The following OXNAD1 variants were observed in gnomAD, a reference collection of about 807,000 sequenced individuals.
OXNAD1 encodes the protein oxidoreductase NAD-binding domain-containing protein 1.
In OXNAD1, 34 loss-of-function variants were observed where a neutral mutation model predicts 32.9. The ratio of observed to expected loss-of-function variants is 1.03; its 90% CI spans 0.79 to 1.38. OXNAD1 has a LOEUF of 1.38. Ranked by LOEUF, OXNAD1 falls within the 40% of genes most tolerant of loss-of-function variation. The pLI is 0.00. For missense variants in OXNAD1, 407 were observed against 379.4 expected, an observed-to-expected ratio of 1.07 and a Z score of -0.60; for synonymous variants, 134 against 135.2, an observed-to-expected ratio of 0.99 and a Z score of 0.06.
In OXNAD1 at chr3:16,335,239, A is replaced by AGG. The variant is rs1465886504; in HGVS notation, c.*31-1871_*31-1870dup. 6.6e-6 allele frequency among the ~76,000 whole-genome samples: 1 copy of AGG among 152,204 alleles called. No individual in the cohort carries two copies. The highest frequency in any genetic ancestry group is 1.9e-4 in the East Asian group (1 of 5,196). On this transcript the variant is annotated intron_variant, in intron 9 of 9. Coordinates refer to the OXNAD1 transcript ENST00000435829. The surrounding 1 kb of genome is among the most constrained non-coding windows in gnomAD (Gnocchi z 4.7). ...AACACTTGGAGGTGCTGACAGATGC[A>AGG]GGGTAGGTGAAAACTCCTGGAGGGA...
In OXNAD1 at chr3:16,345,331, T is replaced by G. The variant is rs1420813167; in HGVS notation, c.*31-3845T>G. 1 of 151,020 alleles carries G rather than the reference T, an allele frequency of 6.6e-6. No homozygotes were observed. Among genetic ancestry groups the G allele is most frequent in the African/African-American group, 2.5e-5 (1 of 40,528 alleles). 9.4% of individuals were successfully genotyped at this position (151,020 alleles called of 1,614,324 possible). A position where few individuals can be genotyped will look rare whatever the true frequency, so the allele number is the denominator to read the frequency against. ...AGCTGTTATAGAATTATCTCCCACT[T>G]TTTTATCTCAAACACATTGGGAAAA... is the stretch of plus-strand genomic sequence containing the variant. On this transcript the variant is annotated intron_variant, in intron 9 of 9. Coordinates refer to the OXNAD1 transcript ENST00000606098. This position sits in a 1 kb window ranked among gnomAD's most constrained non-coding sequence, Gnocchi z 5.2.
At position 16,345,352 on chromosome 3, in the gene OXNAD1, G is replaced by GA. The variant is rs2071582405; in HGVS notation, c.*31-3820dup. The GA allele has an allele frequency of 6.6e-6, 1 of 151,060 alleles. No individual in the cohort carries two copies. The highest frequency in any genetic ancestry group is 1.5e-5 in the Non-Finnish European group (1 of 67,960). 9.4% of individuals were successfully genotyped at this position (151,060 alleles called of 1,614,324 possible). ...CACTTTTTTATCTCAAACACATTGG[G>GA]AAAACCTAAAGATATAGCCCCTGTT... is the stretch of plus-strand genomic sequence containing the variant. On this transcript the variant is annotated intron_variant, in intron 9 of 9. Coordinates refer to the OXNAD1 transcript ENST00000606098. The surrounding 1 kb of genome is among the most constrained non-coding windows in gnomAD (Gnocchi z 5.2).
Position 16,297,389 on chromosome 3 carries a change from A to T in OXNAD1, c.432+2392A>T, listed in dbSNP as rs115857632. On this transcript the variant is annotated intron_variant, in intron 6 of 8. Transcript: ENST00000285083. This position sits in a 1 kb window ranked among gnomAD's most constrained non-coding sequence, Gnocchi z 4.3. Reference sequence around the variant, plus strand: ...CAACTGGAACTCTCATATATTGCTTATATTGCTAGTGGGAATGCAAAATAG... The same window carrying T: ...CAACTGGAACTCTCATATATTGCTTTTATTGCTAGTGGGAATGCAAAATAG... Among the ~76,000 whole-genome samples, 24 of 152,338 alleles carry T rather than the reference A, an allele frequency of 1.6e-4. 1 individual carries two copies. The highest frequency in any genetic ancestry group is 5.3e-4 in the African/African-American group (22 of 41,574).
At chr3:16,310,230 T>C (rs1234162506), downstream of OXNAD1, among the ~76,000 whole-genome samples, 1 of 152,234 alleles carries the variant, frequency 6.6e-6, no homozygotes, top group Admixed American at 6.5e-5. Flanking sequence ...AGTTATTAAC[T>C]TACGCATTTT....
rs951478364 is a variant in OXNAD1 at position 16,337,306 on chromosome 3, G to A, written c.*225G>A. 2 of 152,236 alleles carry A rather than the reference G, an allele frequency of 1.3e-5. No individual in the cohort carries two copies. The highest frequency in any genetic ancestry group is 2.9e-5 in the Non-Finnish European group (2 of 68,042). 9.4% of individuals were successfully genotyped at this position (152,236 alleles called of 1,614,324 possible). ...GAAGGAAAAATCACCCAGCTGACCT[G>A]TTTGGGTTATGATTTTAACTCACTA... On this transcript the variant is annotated 3_prime_UTR_variant, in exon 10 of 10. Transcript: ENST00000435829. The surrounding 1 kb of genome is among the most constrained non-coding windows in gnomAD (Gnocchi z 5.0).
At position 16,288,801 on chromosome 3, in the gene OXNAD1, T is replaced by TG. The variant is rs1251260837; in HGVS notation, c.290+2357dup. Among the ~76,000 whole-genome samples, 3 of 152,192 alleles carry TG rather than the reference T, an allele frequency of 2.0e-5. No individual in the cohort carries two copies. The highest frequency in any genetic ancestry group is 4.8e-5 in the African/African-American group (2 of 41,442). On this transcript the variant is annotated intron_variant, in intron 5 of 8. Transcript: ENST00000285083. The surrounding 1 kb of genome is among the most constrained non-coding windows in gnomAD (Gnocchi z 5.1). ...CCCTTGACCAGAATTCCTCCTCCCT[T>TG]GGGGTGGAAAGCTTGGCACTCACTC...
rs1274426142 is a variant in OXNAD1 at position 16,317,503 on chromosome 3, C to G, written c.*30+13911C>G. Among the ~76,000 whole-genome samples the G allele has an allele frequency of 2.0e-5, 3 of 152,150 alleles. No homozygotes were observed. The highest frequency in any genetic ancestry group is 4.4e-5 in the Non-Finnish European group (3 of 68,020). On this transcript the variant is annotated intron_variant, in intron 9 of 9. Coordinates refer to the OXNAD1 transcript ENST00000435829. This position sits in a 1 kb window ranked among gnomAD's most constrained non-coding sequence, Gnocchi z 4.3. ...AGAGCAGTATTTCTTTTGACTGGCT[C>G]TATACCAAAGGCCCACATAGGAAAG...
In OXNAD1 at chr3:16,345,817, TGC is replaced by T. The variant is rs1553726165; in HGVS notation, c.*31-3349_*31-3348del. Among the ~76,000 whole-genome samples, 845 of 74,572 alleles carry T rather than the reference TGC, an allele frequency of 0.011. 3 individuals are homozygous for T. Among genetic ancestry groups the T allele is most frequent in the South Asian group, 0.029 (47 of 1,634 alleles). The allele number at this position is 74,572 out of a possible 152,430, so 48.9% of individuals were successfully genotyped here. On this transcript the variant is annotated intron_variant, in intron 9 of 9. Coordinates refer to the OXNAD1 transcript ENST00000606098. This position sits in a 1 kb window ranked among gnomAD's most constrained non-coding sequence, Gnocchi z 5.2. ...GTGTGTGTGTGTGTGTGTGTGTGTG[TGC>T]GCGCGCGCGTGCGCGCACGCGCACA...
In OXNAD1 at chr3:16,344,592, C is replaced by T. The variant is rs1006379520; in HGVS notation, c.*31-4584C>T. ...GGCCACCCAAGGTATTCTGTGGCCT[C>T]CCAGAATCAGGTCTCTTCAGGTCCA... On this transcript the variant is annotated intron_variant, in intron 9 of 9. Coordinates refer to the OXNAD1 transcript ENST00000606098. The surrounding 1 kb of genome is among the most constrained non-coding windows in gnomAD (Gnocchi z 4.4). Among the ~76,000 whole-genome samples the T allele has an allele frequency of 6.6e-6, 1 of 152,058 alleles. No homozygotes were observed. The highest frequency in any genetic ancestry group is 1.5e-5 in the Non-Finnish European group (1 of 68,028).
rs747954025 is a variant in OXNAD1, at chr3:16,321,160, C to T, written c.*31-15952C>T. ...ATAGGGTGGCGGTTGGCCAGGTGGG[C>T]GAGGTATGGGGAGGGGGACAGTCAT... On this transcript the variant is annotated intron_variant, in intron 9 of 9. Transcript: ENST00000435829. The surrounding 1 kb of genome is among the most constrained non-coding windows in gnomAD (Gnocchi z 4.8). Among the ~76,000 whole-genome samples, 27 of 151,698 alleles carry T rather than the reference C, an allele frequency of 1.8e-4. No individual in the cohort carries two copies. The highest frequency in any genetic ancestry group is 3.4e-4 in the Non-Finnish European group (23 of 67,894).
At chr3:16,347,200 C>T (rs2071781679) in intron 9 of OXNAD1, among the ~76,000 whole-genome samples, 1 of 152,226 alleles carries the variant, frequency 6.6e-6, no homozygotes, top group Non-Finnish European at 1.5e-5. Flanking sequence ...CTTGCCTCAC[C>T]CACACGGTCT....
chr3:16,265,291 G>C lies in OXNAD1; in HGVS notation c.-373G>C, dbSNP rs1390334512. 1 of 206,392 alleles carries C rather than the reference G, an allele frequency of 4.8e-6. No homozygotes were observed. Among genetic ancestry groups the C allele is most frequent in the Non-Finnish European group, 1.0e-5 (1 of 99,608 alleles). 12.8% of individuals were successfully genotyped at this position (206,392 alleles called of 1,614,324 possible). ...GGGGAAAGTTTCCCTGCTTCTTATC[G>C]TCTGCTTTAACGCCTTAAATAGCCC... On this transcript the variant is annotated 5_prime_UTR_variant, in exon 1 of 9. Coordinates refer to ENST00000285083, the MANE Select transcript of OXNAD1 (RefSeq NM_138381.5). This position sits in a 1 kb window ranked among gnomAD's most constrained non-coding sequence, Gnocchi z 4.8.
At chr3:16,309,921 C>T (rs1400037279), downstream of OXNAD1, among the ~76,000 whole-genome samples, 1 of 152,198 alleles carries the variant, frequency 6.6e-6, no homozygotes, top group Non-Finnish European at 1.5e-5. Context: ...TAAGGAGTAT[C>T]TTAACTCTCT....
At chr3:16,307,752 T>C (rs1358024636), downstream of OXNAD1, among the ~76,000 whole-genome samples, 1 of 139,450 alleles carries the variant, frequency 7.2e-6, no homozygotes, top group Non-Finnish European at 1.5e-5. Flanking sequence ...TGTTTTGAAG[T>C]AATTTTAGAT....
Position 16,269,157 on chromosome 3 carries a change from G to C in OXNAD1, c.-127G>C. 6.7e-7 allele frequency: 1 copy of C among 1,500,966 alleles called. No homozygotes were observed. The highest frequency in any genetic ancestry group is 8.8e-7 in the Non-Finnish European group (1 of 1,132,770). The allele number at this position is 1,500,966 out of a possible 1,614,324, so 93.0% of individuals were successfully genotyped here. ...TGTGAGAATTTTAATGCATGGAAAA[G>C]CTGTCCATGTTCCAACTGCTGTACA... On this transcript the variant is annotated 5_prime_UTR_variant, in exon 2 of 9. Transcript: ENST00000285083.
downstream of OXNAD1, among the ~76,000 whole-genome samples, chr3:16,340,436 C>G (rs1385588793): frequency 6.6e-6 from 1 of 152,226 alleles, no homozygotes; most frequent in East Asian, 1.9e-4. Flanking sequence ...GATCATTCAG[C>G]TACCAGCTGA....
At chr3:16,313,159 C>T (rs1204415418) in intron 9 of OXNAD1, among the ~76,000 whole-genome samples, 2 of 148,496 alleles carry the variant, frequency 1.3e-5, no homozygotes, top group African/African-American at 5.1e-5. Context: ...AATTCTCTCA[C>T]TTTAGCCTCC....
Position 16,290,482 on chromosome 3 carries a change from C to T in OXNAD1, c.290+4034C>T, listed in dbSNP as rs2066359953. 6.6e-6 allele frequency among the ~76,000 whole-genome samples: 1 copy of T among 152,086 alleles called. No individual in the cohort carries two copies. The highest frequency in any genetic ancestry group is 1.5e-5 in the Non-Finnish European group (1 of 68,020). On this transcript the variant is annotated intron_variant, in intron 5 of 8. Transcript: ENST00000285083. This position sits in a 1 kb window ranked among gnomAD's most constrained non-coding sequence, Gnocchi z 4.2. ...ATTCAACTGAGAGAATGGCCTTCAT[C>T]AGCATTGAGCAGCAGAGGGCACTGT...
intron 9 of OXNAD1, among the ~76,000 whole-genome samples, chr3:16,324,619 C>CCG (rs1479585637): frequency 3.5e-5 from 5 of 142,488 alleles, no homozygotes; most frequent in Non-Finnish European, 7.7e-5. Context: ...CCTGACCCCC[C>CCG]CCCTTTTAAG....
Sources: allele counts gnomAD v4.1 joint callset (sites outside exome capture counted in the v4.1 genomes callset), GRCh38; gene constraint gnomAD v4.1.1; non-coding constraint Gnocchi (gnomAD v3.1); transcripts MANE v1.5; gene names NCBI Gene and HGNC (gene_info 2026-07-23, HGNC 2026-07-21).